Variants in PTPRN2 observed in about 807,000 individuals in gnomAD.
The protein encoded by PTPRN2 is receptor-type tyrosine-protein phosphatase N2.
In PTPRN2, 74 loss-of-function variants were observed where a neutral mutation model predicts 118.8. The observed-to-expected ratio is 0.62, with a 90% confidence interval of 0.52 to 0.76. The LOEUF (loss-of-function observed/expected upper bound fraction) is 0.76. PTPRN2 is among the 30% of genes least tolerant of loss of function. The pLI, the probability that PTPRN2 is intolerant of heterozygous loss-of-function variation, is 0.00. For missense variants in PTPRN2, 1,481 were observed against 1,394.4 expected, an observed-to-expected ratio of 1.06 and a Z score of -0.99; for synonymous variants, 641 against 608.0, an observed-to-expected ratio of 1.05 and a Z score of -0.80.
rs995722210 is a variant in PTPRN2, at chr7:158,441,382, G to A, written c.163+48353C>T. On this transcript the variant is annotated intron_variant, in intron 2 of 22. Transcript: ENST00000389418. ...GGTGATGGCAGTGGTGGCAGTGGTGGTGGTGGTGATAATGATGGTCATGGT... is the reference window on the plus strand; with the variant it reads ...GGTGATGGCAGTGGTGGCAGTGGTGATGGTGGTGATAATGATGGTCATGGT... Among the ~76,000 whole-genome samples the A allele has an allele frequency of 2.0e-5, 3 of 149,086 alleles. 1 individual carries two copies. The highest frequency in any genetic ancestry group is 7.6e-5 in the African/African-American group (3 of 39,628).
intron 2 of PTPRN2, among the ~76,000 whole-genome samples, chr7:158,477,911 C>T (rs894663940): frequency 6.6e-6 from 1 of 152,234 alleles, no homozygotes; most frequent in Non-Finnish European, 1.5e-5. Flanking sequence ...AGGCAGGAAG[C>T]ACAGGCGGTG....
At chr7:158,310,573 C>T (rs1362119995) in intron 3 of PTPRN2, among the ~76,000 whole-genome samples, 1 of 152,228 alleles carries the variant, frequency 6.6e-6, no homozygotes, top group Admixed American at 6.5e-5. Flanking sequence ...GAGATGGGGG[C>T]TGGGTGGAAG....
intron 12 of PTPRN2, among the ~76,000 whole-genome samples, chr7:157,738,071 T>C (rs1326637083): frequency 6.6e-6 from 1 of 152,244 alleles, no homozygotes; most frequent in Non-Finnish European, 1.5e-5. Context: ...AAATTATATC[T>C]TGTCATGAAA....
At chr7:158,424,013 C>T (rs1007253091) in intron 2 of PTPRN2, among the ~76,000 whole-genome samples, 23 of 152,274 alleles carry the variant, frequency 1.5e-4, no homozygotes, top group African/African-American at 5.1e-4. Flanking sequence ...AAGATTAATT[C>T]GGAAGAGGCT....
intron 2 of PTPRN2, among the ~76,000 whole-genome samples, chr7:158,473,810 T>C (rs1272097611): frequency 6.6e-6 from 1 of 151,248 alleles, no homozygotes; most frequent in East Asian, 1.9e-4. Flanking sequence ...TAAAAAAAGG[T>C]TGGCTATAAA....
chr7:158,140,466 C>T (rs1012861487), intron 6 of PTPRN2, among the ~76,000 whole-genome samples: 5 of 152,260 alleles, frequency 3.3e-5, no homozygotes, highest in Admixed American at 6.5e-5. Context: ...TCCATGTGCC[C>T]GGCAGCAGGA....
chr7:158,540,081 G>A (rs919823421), intron 1 of PTPRN2, among the ~76,000 whole-genome samples: 1 of 152,176 alleles, frequency 6.6e-6, no homozygotes, highest in Non-Finnish European at 1.5e-5. Flanking sequence ...TGTGTGGTCT[G>A]GTCAGTGTCC....
intron 2 of PTPRN2, among the ~76,000 whole-genome samples, chr7:158,338,052 GGTGACACCTGCAGACGTCACACCCACA>G (rs1806032829): frequency 6.1e-5 from 1 of 16,514 alleles, no homozygotes. Context: ...CACCATAAGA[GGTGACACCTGCAGACGTCACACCCACA>G]CTCTCACCAT....
At chr7:158,070,870 T>TGGTGCCCATGGTAGTGGA (rs1811312720) in intron 11 of PTPRN2, among the ~76,000 whole-genome samples, 1 of 67,204 alleles carries the variant, frequency 1.5e-5, no homozygotes, top group Admixed American at 1.7e-4. Context: ...GTGGTGGTGG[T>TGGTGCCCATGGTAGTGGA]GGTGCCCATG....
intron 2 of PTPRN2, among the ~76,000 whole-genome samples, chr7:158,399,233 T>C (rs1165320931): frequency 6.6e-6 from 1 of 152,196 alleles, no homozygotes; most frequent in Non-Finnish European, 1.5e-5. Flanking sequence ...AAAGAGCTGA[T>C]TTAGAATTGT....
Position 157,610,328 on chromosome 7 carries a change from C to T in PTPRN2, c.2345-6253G>A, listed in dbSNP as rs1802256692. On this transcript the variant is annotated intron_variant, in intron 15 of 22. Transcript: ENST00000389418. The surrounding 1 kb of genome is among the most constrained non-coding windows in gnomAD (Gnocchi z 5.1). ...GGTGTTCTCTCGGGCTCTCCAACTG[C>T]CTCTGCTTTCTGTGAAGGTTTAGGC... Among the ~76,000 whole-genome samples the T allele has an allele frequency of 6.6e-6, 1 of 152,212 alleles. No homozygotes were observed. The highest frequency in any genetic ancestry group is 2.4e-5 in the African/African-American group (1 of 41,454).
chr7:158,332,433 G>T (rs1586311396), intron 2 of PTPRN2, among the ~76,000 whole-genome samples: 1 of 149,406 alleles, frequency 6.7e-6, no homozygotes. Context: ...GACACCTGCA[G>T]ACGTCACTCA....
chr7:157,898,606 C>G, intron 12 of PTPRN2, 67 bp downstream of exon 12: 1 of 1,449,390 alleles, frequency 6.9e-7, no homozygotes, highest in Non-Finnish European at 9.7e-7. Flanking sequence ...TCTGTTCTCA[C>G]GGTGTTCGCC....
At chr7:158,150,977 G>A (rs941885071) in intron 6 of PTPRN2, among the ~76,000 whole-genome samples, 1 of 151,808 alleles carries the variant, frequency 6.6e-6, no homozygotes, top group East Asian at 1.9e-4. Flanking sequence ...TTACAGCAAT[G>A]TCTGTTCCTC....
At chr7:158,304,375 G>A (rs961858885) in intron 3 of PTPRN2, among the ~76,000 whole-genome samples, 2 of 148,806 alleles carry the variant, frequency 1.3e-5, no homozygotes, top group Non-Finnish European at 3.0e-5. Flanking sequence ...ACATTCTAGG[G>A]AGGCATAAGA....
chr7:158,414,322 T>G (rs1473063906), intron 2 of PTPRN2, among the ~76,000 whole-genome samples: 1 of 151,984 alleles, frequency 6.6e-6, no homozygotes, highest in African/African-American at 2.4e-5. Flanking sequence ...CTGTGAGAAT[T>G]TAAAGAGCAG....
At chr7:157,643,709 C>T (rs1446199579) in intron 14 of PTPRN2, among the ~76,000 whole-genome samples, 3 of 152,240 alleles carry the variant, frequency 2.0e-5, no homozygotes, top group Non-Finnish European at 2.9e-5. Flanking sequence ...TGCAGACACC[C>T]GCACCCACAG....
At position 158,347,096 on chromosome 7, in the gene PTPRN2, T is replaced by G. The variant is rs149803786; in HGVS notation, c.164-30164A>C. ...CTGTTTTGTTTGCTGTGTAGAGCTT[T>G]GTATTTGATATAATCCCATTTGTTT... is the stretch of plus-strand genomic sequence containing the variant. On this transcript the variant is annotated intron_variant, in intron 2 of 22. Transcript: ENST00000389418. Among the ~76,000 whole-genome samples the G allele has an allele frequency of 1.4e-4, 22 of 152,266 alleles. No homozygotes were observed. The East Asian group carries it at 4.0e-3, about 28-fold the overall frequency.
chr7:158,008,161 G>A (rs1044643389), intron 11 of PTPRN2, among the ~76,000 whole-genome samples: 2 of 150,426 alleles, frequency 1.3e-5, no homozygotes, highest in African/African-American at 4.9e-5. Context: ...GTGTGGGTGT[G>A]CTGTGTGTGG....
Sources: allele counts gnomAD v4.1 joint callset (sites outside exome capture counted in the v4.1 genomes callset), GRCh38; gene constraint gnomAD v4.1.1; non-coding constraint Gnocchi (gnomAD v3.1); transcripts MANE v1.5; gene names NCBI Gene and HGNC (gene_info 2026-07-23, HGNC 2026-07-21).